Variants in ZFYVE28 observed in about 807,000 individuals in gnomAD.
ZFYVE28 encodes the protein lateral signaling target protein 2 homolog.
A neutral mutation model predicts 82.1 loss-of-function variants in ZFYVE28; 40 were observed. That is an observed-to-expected ratio of 0.49 (90% CI 0.38 to 0.63). The LOEUF (loss-of-function observed/expected upper bound fraction) is 0.63, where lower values mean the gene tolerates loss of function less well. Among genes scored for constraint, ZFYVE28 ranks in the 30% least tolerant of loss-of-function variants. ZFYVE28 has a pLI of 0.00. For synonymous variants in ZFYVE28, 612 were observed against 546.1 expected (o/e 1.12, Z -1.68); for missense variants, 1,321 against 1,242.1 (o/e 1.06, Z -0.96).
Position 2,409,244 on chromosome 4 carries a change from C to T in ZFYVE28, c.39+9041G>A, listed in dbSNP as rs750993988. Among the ~76,000 whole-genome samples the T allele has an allele frequency of 6.6e-6, 1 of 151,846 alleles. No individual in the cohort carries two copies. The highest frequency in any genetic ancestry group is 1.5e-5 in the Non-Finnish European group (1 of 67,942). On this transcript the variant is annotated intron_variant, in intron 1 of 12. Coordinates refer to ENST00000290974, the MANE Select transcript of ZFYVE28 (RefSeq NM_020972.3). The surrounding 1 kb of genome is among the most constrained non-coding windows in gnomAD (Gnocchi z 4.4). Reference sequence around the variant, plus strand: ...CACCTCTCCCCCAGCCAGGTCCCACCCCCACCAGGCCCAGATCCATCTACT... The same window carrying T: ...CACCTCTCCCCCAGCCAGGTCCCACTCCCACCAGGCCCAGATCCATCTACT...
chr4:2,288,451 A>G (rs1279906477), intron 8 of ZFYVE28, among the ~76,000 whole-genome samples: 1 of 152,216 alleles, frequency 6.6e-6, no homozygotes. Context: ...ACAGTGGAGC[A>G]GCAGCGCCTG....
intron 6 of ZFYVE28, chr4:2,330,874 G>A (rs560392605): frequency 1.1e-5 from 17 of 1,535,206 alleles, no homozygotes; most frequent in Middle Eastern, 1.7e-4. Context: ...GTGTGGGCAC[G>A]GTGCAGGCAG....
At chr4:2,406,062 A>AAAAAAAAGAAAG (rs1553867781) in intron 1 of ZFYVE28, among the ~76,000 whole-genome samples, 2 of 125,068 alleles carry the variant, frequency 1.6e-5, no homozygotes, top group African/African-American at 6.6e-5. Context: ...AAAAAAAAAA[A>AAAAAAAAGAAAG]AAAGAAAGAA....
intron 8 of ZFYVE28, among the ~76,000 whole-genome samples, chr4:2,281,705 C>G (rs745838944): frequency 2.6e-5 from 4 of 152,326 alleles, no homozygotes; most frequent in Non-Finnish European, 4.4e-5. Flanking sequence ...TTGGGGCACA[C>G]ATTCAAACCA....
At chr4:2,393,251 C>G (rs1212677474) in intron 1 of ZFYVE28, among the ~76,000 whole-genome samples, 2 of 152,240 alleles carry the variant, frequency 1.3e-5, no homozygotes, top group African/African-American at 4.8e-5. Flanking sequence ...TTTTCCTTTT[C>G]TAGACACAGA....
intron 8 of ZFYVE28, 38 bp from the exon 9 acceptor site, chr4:2,274,254 CATG>C: frequency 6.3e-7 from 1 of 1,597,262 alleles, no homozygotes; most frequent in South Asian, 1.1e-5. Flanking sequence ...TGGGGTGGGG[CATG>C]ATAAGGGGCC....
chr4:2,395,810 G>T lies in ZFYVE28; in HGVS notation c.39+22475C>A, dbSNP rs60980027. The stretch of plus-strand genomic sequence containing the variant: ...TAACGGTCCAAGATAGCAGGAGGGA[G>T]GCTCACAGGAGGCGGCGGGACTCCA... On this transcript the variant is annotated intron_variant, in intron 1 of 12. Coordinates refer to ENST00000290974, the MANE Select transcript of ZFYVE28 (RefSeq NM_020972.3). Among the ~76,000 whole-genome samples the T allele has an allele frequency of 4.5e-3, 681 of 152,332 alleles. 8 individuals are homozygous for T. The East Asian group carries it at 0.06, about 14-fold the overall frequency.
chr4:2,375,792 C>A (rs997815302), intron 1 of ZFYVE28, among the ~76,000 whole-genome samples: 1 of 152,202 alleles, frequency 6.6e-6, no homozygotes, highest in Non-Finnish European at 1.5e-5. Flanking sequence ...CGATTGGAGC[C>A]CCAGATTTCA....
At chr4:2,346,351 AAAAGAAAG>A (rs1225544327) in intron 2 of ZFYVE28, among the ~76,000 whole-genome samples, 1 of 149,126 alleles carries the variant, frequency 6.7e-6, no homozygotes, top group African/African-American at 2.5e-5. Flanking sequence ...CAAAAAAAAA[AAAAGAAAG>A]AAAGAAAGAA....
chr4:2,337,560 G>C, intron 4 of ZFYVE28, 64 bp from the exon 5 acceptor site: 1 of 1,317,404 alleles, frequency 7.6e-7, no homozygotes, highest in Non-Finnish European at 1.0e-6. Context: ...CCAAAACAGA[G>C]TGGGGGGCAT....
chr4:2,320,134 C>A lies in ZFYVE28; in HGVS notation c.803+36G>T. On this transcript the variant is annotated intron_variant, in intron 7 of 12. Coordinates refer to ENST00000290974, the MANE Select transcript of ZFYVE28 (RefSeq NM_020972.3). The surrounding 1 kb of genome is among the most constrained non-coding windows in gnomAD (Gnocchi z 5.1). ...CGCCCACCTGTGGCCCTCCTGTCCCCCTCCCCTCCCCCACCTCCTCTAGCT... is the reference window on the plus strand; with the variant it reads ...CGCCCACCTGTGGCCCTCCTGTCCCACTCCCCTCCCCCACCTCCTCTAGCT... The A allele has an allele frequency of 1.3e-6, 2 of 1,585,296 alleles. No individual in the cohort carries two copies. Among genetic ancestry groups the A allele is most frequent in the South Asian group, 2.2e-5 (2 of 90,252 alleles).
chr4:2,325,592 CTTTTTTT>C (rs58460729), intron 6 of ZFYVE28, among the ~76,000 whole-genome samples: 2 of 122,228 alleles, frequency 1.6e-5, no homozygotes, highest in Non-Finnish European at 3.3e-5. Flanking sequence ...TTAAATCTTA[CTTTTTTT>C]TTTTTTTTTT....
intron 2 of ZFYVE28, among the ~76,000 whole-genome samples, chr4:2,350,408 G>A (rs1285283136): frequency 6.6e-6 from 1 of 151,942 alleles, no homozygotes; most frequent in Non-Finnish European, 1.5e-5. Flanking sequence ...AACTTGGACT[G>A]AGCCGAGATC....
chr4:2,328,800 T>C (rs1578111603), intron 6 of ZFYVE28: 1 of 278,044 alleles, frequency 3.6e-6, no homozygotes, highest in South Asian at 1.7e-4. Context: ...GGTCCAACTT[T>C]GTTCTTTTTT....
At chr4:2,330,228 C>T (rs1720454635) in intron 6 of ZFYVE28, 9 of 960,818 alleles carry the variant, frequency 9.4e-6, no homozygotes, top group Non-Finnish European at 1.1e-5. Context: ...GTACCAAAAA[C>T]GACTGTGCAC....
Position 2,327,542 on chromosome 4 carries a change from C to T in ZFYVE28, c.702-7271G>A, listed in dbSNP as rs191868843. 1.9e-3 allele frequency among the ~76,000 whole-genome samples: 287 copies of T among 151,424 alleles called. 3 individuals carry two copies. The highest frequency in any genetic ancestry group is 6.4e-3 in the African/African-American group (261 of 41,060). On this transcript the variant is annotated intron_variant, in intron 6 of 12. Coordinates refer to ENST00000290974, the MANE Select transcript of ZFYVE28 (RefSeq NM_020972.3). ...TTCTTGTTATATATGGCCTTTATTGCGTTAAGGCACATTCTTTCTTTTTTT... is the reference window on the plus strand; with the variant it reads ...TTCTTGTTATATATGGCCTTTATTGTGTTAAGGCACATTCTTTCTTTTTTT...
chr4:2,407,819 C>T (rs1374254883), intron 1 of ZFYVE28, among the ~76,000 whole-genome samples: 1 of 152,198 alleles, frequency 6.6e-6, no homozygotes, highest in Admixed American at 6.5e-5. Flanking sequence ...ACCTCCTGAC[C>T]TCGTGATCCA....
intron 7 of ZFYVE28, among the ~76,000 whole-genome samples, chr4:2,317,051 C>T (rs1718332228): frequency 2.7e-5 from 4 of 146,518 alleles, no homozygotes; most frequent in South Asian, 2.1e-4. Flanking sequence ...TACAGTGGCA[C>T]GATCTTGGTT....
chr4:2,304,834 C>G lies in ZFYVE28; in HGVS notation c.1506G>C (p.Glu502Asp), dbSNP rs971734513. 21 of 1,612,556 alleles carry G rather than the reference C, an allele frequency of 1.3e-5. No individual in the cohort carries two copies. Among genetic ancestry groups the G allele is most frequent in the Non-Finnish European group, 1.8e-5 (21 of 1,179,930 alleles). Residue 502 changes from glutamate (E) to aspartate (D), a missense_variant, in exon 8 of 13, where the codon GAG becomes GAC. Transcript: ENST00000290974. ...TGCCCCCTGTCCGGTGGGCGATCAT[C>G]TCAGCCGTCTCTGCGTCATCCGCAC... ...EVGADDAETA[E>D]MIAHRTGGMK...
Sources: allele counts gnomAD v4.1 joint callset (sites outside exome capture counted in the v4.1 genomes callset), GRCh38; gene constraint gnomAD v4.1.1; non-coding constraint Gnocchi (gnomAD v3.1); transcripts MANE v1.5; gene names NCBI Gene and HGNC (gene_info 2026-07-23, HGNC 2026-07-21).